Variants in DPP10 observed in about 807,000 individuals in gnomAD.
DPP10 encodes the protein dipeptidyl peptidase like 10, also known as inactive dipeptidyl peptidase 10.
Under a neutral mutation model 120.9 loss-of-function variants are expected in DPP10, and 33 were observed. The ratio of observed to expected loss-of-function variants is 0.27; its 90% CI spans 0.21 to 0.37. The LOEUF (loss-of-function observed/expected upper bound fraction) is 0.37. Among genes scored for constraint, DPP10 ranks in the 10% least tolerant of loss-of-function variants. The probability of loss-of-function intolerance (pLI) is 1.00; values close to 1 mark genes in which losing one functional copy is unlikely to be tolerated. For synonymous variants in DPP10, 337 were observed against 326.1 expected, an observed-to-expected ratio of 1.03 and a Z score of -0.36; for missense variants, 816 against 942.8, an observed-to-expected ratio of 0.87 and a Z score of 1.76.
chr2:115,676,768 A>G (rs1000147221), intron 5 of DPP10, among the ~76,000 whole-genome samples: 1 of 152,184 alleles, frequency 6.6e-6, no homozygotes, highest in Admixed American at 6.5e-5. Flanking sequence ...AAACATAGAA[A>G]ACCTGTTTAA....
At chr2:115,367,133 C>T (rs557525789) in intron 3 of DPP10, among the ~76,000 whole-genome samples, 1 of 151,914 alleles carries the variant, frequency 6.6e-6, no homozygotes, top group Non-Finnish European at 1.5e-5. Flanking sequence ...GCAGACAGAC[C>T]GCCCATAATT....
At chr2:115,766,079 G>A (rs1680673099) in intron 12 of DPP10, among the ~76,000 whole-genome samples, 1 of 151,792 alleles carries the variant, frequency 6.6e-6, no homozygotes, top group Admixed American at 6.6e-5. Context: ...TTCAGGTGCT[G>A]CAGATGCAGT....
intron 5 of DPP10, among the ~76,000 whole-genome samples, chr2:115,590,748 C>G (rs181935400): frequency 5.9e-5 from 9 of 152,336 alleles, no homozygotes; most frequent in African/African-American, 1.9e-4. Flanking sequence ...GCCACACTGT[C>G]TTCCGCAATG....
chr2:115,674,395 T>G (rs1435328862), intron 5 of DPP10, among the ~76,000 whole-genome samples: 1 of 152,010 alleles, frequency 6.6e-6, no homozygotes, highest in East Asian at 1.9e-4. Context: ...GTTTTTTTTT[T>G]TTTAAGATTT....
At chr2:114,633,788 T>C (rs1695122093) in intron 1 of DPP10, among the ~76,000 whole-genome samples, 1 of 151,600 alleles carries the variant, frequency 6.6e-6, no homozygotes, top group African/African-American at 2.4e-5. Context: ...AATTTTTTTG[T>C]ATTTTTAGTA....
At chr2:114,528,475 A>G (rs765836461) in intron 1 of DPP10, among the ~76,000 whole-genome samples, 5 of 151,922 alleles carry the variant, frequency 3.3e-5, no homozygotes, top group Non-Finnish European at 7.4e-5. Flanking sequence ...GCTCAGTCCA[A>G]ACTCTAGGAT....
chr2:115,582,392 T>C (rs1029215962), intron 5 of DPP10, among the ~76,000 whole-genome samples: 1 of 152,198 alleles, frequency 6.6e-6, no homozygotes, highest in African/African-American at 2.4e-5. Flanking sequence ...ACCCAGCTCC[T>C]GCGATCTCAT....
At chr2:114,877,337 CAG>C (rs1691239705) in intron 1 of DPP10, among the ~76,000 whole-genome samples, 1 of 152,038 alleles carries the variant, frequency 6.6e-6, no homozygotes, top group Non-Finnish European at 1.5e-5. Context: ...TTGGCTAACA[CAG>C]AGAAGTAACA....
intron 1 of DPP10, among the ~76,000 whole-genome samples, chr2:114,459,777 T>C (rs1351192419): frequency 1.3e-5 from 2 of 152,236 alleles, no homozygotes; most frequent in Admixed American, 6.5e-5. Context: ...TGTGACTTAC[T>C]ACAAGAACTT....
rs116696391 is a variant in DPP10, at chr2:114,831,588, G to T, written c.60+388750G>T. ...GTGTTTCAGCATGGAAGATCATTTG[G>T]GAAAGCTGGGTTTGCAGAAAGCACG... On this transcript the variant is annotated intron_variant, in intron 1 of 25. Transcript: ENST00000410059. Among the ~76,000 whole-genome samples, 992 of 152,188 alleles carry T rather than the reference G, an allele frequency of 6.5e-3. 6 individuals carry two copies. Among genetic ancestry groups the T allele is most frequent in the African/African-American group, 0.022 (930 of 41,512 alleles).
chr2:115,740,837 G>A lies in DPP10; in HGVS notation c.852+944G>A, dbSNP rs557595757. Reference sequence around the variant, plus strand: ...CCCAGTATATTAATCATGTAAAGAAGTCTTATGGGAAACGTGTAAAATTTC... The same window carrying A: ...CCCAGTATATTAATCATGTAAAGAAATCTTATGGGAAACGTGTAAAATTTC... On this transcript the variant is annotated intron_variant, in intron 9 of 25. Transcript: ENST00000410059. 1.4e-4 allele frequency among the ~76,000 whole-genome samples: 22 copies of A among 152,196 alleles called. No individual in the cohort carries two copies. In the South Asian group the frequency reaches 3.7e-3, roughly 26 times the overall value.
intron 1 of DPP10, among the ~76,000 whole-genome samples, chr2:114,631,868 A>G (rs933774463): frequency 1.3e-5 from 2 of 152,156 alleles, no homozygotes; most frequent in Non-Finnish European, 2.9e-5. Flanking sequence ...GTTGTCATTT[A>G]TTCACTTATG....
intron 3 of DPP10, among the ~76,000 whole-genome samples, chr2:115,495,775 G>T (rs2076364851): frequency 6.6e-6 from 1 of 152,112 alleles, no homozygotes; most frequent in Non-Finnish European, 1.5e-5. Context: ...ATTCTATTCT[G>T]CCATACATTT....
At chr2:115,118,609 A>C (rs2049653224) in intron 1 of DPP10, among the ~76,000 whole-genome samples, 1 of 151,942 alleles carries the variant, frequency 6.6e-6, no homozygotes, top group Non-Finnish European at 1.5e-5. Context: ...ACGGGGTCTC[A>C]CTCTGTCACT....
chr2:114,505,970 C>T (rs1353091665), intron 1 of DPP10, among the ~76,000 whole-genome samples: 3 of 152,226 alleles, frequency 2.0e-5, no homozygotes. Context: ...GCAGTCCTGG[C>T]TCCTGGTAAG....
At chr2:115,083,891 G>T (rs1708482974) in intron 1 of DPP10, among the ~76,000 whole-genome samples, 1 of 152,174 alleles carries the variant, frequency 6.6e-6, no homozygotes. Context: ...AACAAAGCGG[G>T]ACAGTAGTTA....
chr2:115,806,423 A>G (rs1048836877), intron 19 of DPP10, among the ~76,000 whole-genome samples: 1 of 152,178 alleles, frequency 6.6e-6, no homozygotes, highest in South Asian at 2.1e-4. Context: ...TATTATTCCT[A>G]TTTAACTGAT....
intron 1 of DPP10, among the ~76,000 whole-genome samples, chr2:114,858,016 G>T (rs577956226): frequency 6.6e-6 from 1 of 152,274 alleles, no homozygotes; most frequent in East Asian, 1.9e-4. Context: ...TTGAGATGGA[G>T]TTTTGCTCTG....
At chr2:115,411,469 A>G (rs1031079888) in intron 3 of DPP10, among the ~76,000 whole-genome samples, 29 of 152,230 alleles carry the variant, frequency 1.9e-4, no homozygotes, top group African/African-American at 7.0e-4. Context: ...CAAGGACTAT[A>G]TTACCTTGAT....
Sources: gnomAD v4.1 joint callset for allele counts (sites outside exome capture counted in the v4.1 genomes callset) on GRCh38, gnomAD v4.1.1 for gene constraint, MANE v1.5 for transcripts, NCBI Gene and HGNC (gene_info 2026-07-23, HGNC 2026-07-21) for gene names.